Variants in MTA1 observed in about 807,000 individuals in gnomAD.
MTA1 encodes metastasis associated 1.
Under a neutral mutation model 97.0 loss-of-function variants are expected in MTA1, and 15 were observed. The observed-to-expected ratio is 0.15, with a 90% confidence interval of 0.10 to 0.24. The LOEUF is 0.24. Ranked by LOEUF, MTA1 falls within the 10% of genes least tolerant of loss-of-function variation. The pLI is 1.00. For missense variants in MTA1, 709 were observed against 1,015.1 expected (o/e 0.70, Z 4.10); for synonymous variants, 435 against 417.5 (o/e 1.04, Z -0.51).
Position 105,470,339 on chromosome 14 carries a change from C to T in MTA1, c.*124C>T, listed in dbSNP as rs1032243063. On this transcript the variant is annotated 3_prime_UTR_variant, in exon 21 of 21. Coordinates refer to ENST00000331320, the MANE Select transcript of MTA1 (RefSeq NM_004689.4). Reference sequence around the variant, plus strand: ...CCTCCCGCCCTCACCTGCAGAGAAACGCGCTCCTTGGCGGACACTGGGGGA... The same window carrying T: ...CCTCCCGCCCTCACCTGCAGAGAAATGCGCTCCTTGGCGGACACTGGGGGA... 2.4e-5 allele frequency: 19 copies of T among 800,302 alleles called. No homozygotes were observed. The African/African-American group carries it at 2.7e-4, about 12-fold the overall frequency. The allele number at this position is 800,302 out of a possible 1,614,324, so 49.6% of individuals were successfully genotyped here. A position where few individuals can be genotyped will look rare whatever the true frequency, so the allele number is the denominator to read the frequency against.
In MTA1 at chr14:105,454,237, C is replaced by T. The variant is rs782156814; in HGVS notation, c.477C>T (p.Thr159=). The T allele has an allele frequency of 7.4e-6, 12 of 1,613,674 alleles. No homozygotes were observed. The South Asian group carries it at 1.3e-4, about 18-fold the overall frequency. The change falls in exon 7 of 21, where the codon ACC becomes ACT. Residue 159 remains threonine, a synonymous_variant. Transcript: ENST00000331320. Reference sequence around the variant, plus strand: ...TAGTCTACGACCCACAGCAGAAGACCCTGCTGGCAGATAAAGGAGAGATTC... The same window carrying T: ...TAGTCTACGACCCACAGCAGAAGACTCTGCTGGCAGATAAAGGAGAGATTC... ...YSLVYDPQQK[T]LLADKGEIRV...
intron 4 of MTA1, 147 bp from the exon 5 acceptor site, chr14:105,449,911 C>T: frequency 8.5e-7 from 1 of 1,180,570 alleles, no homozygotes; most frequent in Non-Finnish European, 1.2e-6. Context: ...TAGGGTGGGG[C>T]AGTGGGACAG....
chr14:105,424,565 G>A lies in MTA1; in HGVS notation c.28+4502G>A, dbSNP rs587703747. On this transcript the variant is annotated intron_variant, in intron 1 of 20. Transcript: ENST00000331320. The surrounding 1 kb of genome is among the most constrained non-coding windows in gnomAD (Gnocchi z 4.0). ...GGCTGGAGTGCAGTGGCACAATCGC[G>A]GCTCACTGCAACCTCCGCCTCCTGG... Among the ~76,000 whole-genome samples the A allele has an allele frequency of 4.6e-4, 69 of 151,466 alleles. 1 individual carries two copies. Among genetic ancestry groups the A allele is most frequent in the Admixed American group, 3.5e-3 (53 of 15,224 alleles).
intron 1 of MTA1, among the ~76,000 whole-genome samples, chr14:105,430,369 G>A (rs1175858680): frequency 1.3e-5 from 2 of 152,096 alleles, no homozygotes; most frequent in Admixed American, 1.3e-4. Flanking sequence ...GGGGCAGTCG[G>A]AACACACACA....
intron 1 of MTA1, among the ~76,000 whole-genome samples, chr14:105,438,233 T>C (rs1421827584): frequency 2.0e-5 from 3 of 152,118 alleles, no homozygotes; most frequent in Admixed American, 6.5e-5. Context: ...CACGTGGCTC[T>C]GGGGGTGTAG....
rs587678972 is a variant in MTA1 at position 105,424,903 on chromosome 14, G to A, written c.28+4840G>A. 6.6e-5 allele frequency among the ~76,000 whole-genome samples: 10 copies of A among 152,340 alleles called. No individual in the cohort carries two copies. The highest frequency in any genetic ancestry group is 1.7e-4 in the African/African-American group (7 of 41,588). Reference sequence around the variant, plus strand: ...TATGGTCCAATGAAGCACATCCCTCGCGCCCGACCCGCCCTGGCAGTGCCG... The same window carrying A: ...TATGGTCCAATGAAGCACATCCCTCACGCCCGACCCGCCCTGGCAGTGCCG... On this transcript the variant is annotated intron_variant, in intron 1 of 20. Coordinates refer to ENST00000331320, the MANE Select transcript of MTA1 (RefSeq NM_004689.4). This position sits in a 1 kb window ranked among gnomAD's most constrained non-coding sequence, Gnocchi z 4.0.
chr14:105,469,551 G>A lies in MTA1; in HGVS notation c.1845+53G>A. The A allele has an allele frequency of 3.1e-6, 5 of 1,596,764 alleles. No homozygotes were observed. In the Admixed American group the frequency reaches 6.7e-5, roughly 21 times the overall value. ...CGGTGCGCTCACCCATGAGCTCTCT[G>A]GGGTGTTGGGAAGAGGCCTGGCCAG... On this transcript the variant is annotated intron_variant, in intron 19 of 20. Coordinates refer to ENST00000331320, the MANE Select transcript of MTA1 (RefSeq NM_004689.4).
chr14:105,451,753 C>T (rs2141589925), intron 6 of MTA1, among the ~76,000 whole-genome samples: 1 of 151,334 alleles, frequency 6.6e-6, no homozygotes, highest in East Asian at 2.0e-4. Flanking sequence ...CACGATGCAG[C>T]CCTTCCCCCC....
Position 105,466,503 on chromosome 14 carries a change from G to T in MTA1, c.1702G>T (p.Val568Leu). 6.3e-7 allele frequency: 1 copy of T among 1,594,850 alleles called. No individual in the cohort carries two copies. The highest frequency in any genetic ancestry group is 8.5e-7 in the Non-Finnish European group (1 of 1,171,822). The change falls in exon 17 of 21, where the codon GTG (valine) becomes TTG (leucine). Residue 568 changes from valine to leucine, a missense_variant. By Grantham distance (32) the Val-to-Leu change is conservative. Around this residue, in one of 2 missense-constraint regions of MTA1, gnomAD observed 388 missense variants for 421.6 expected, o/e 0.92. Coordinates refer to ENST00000331320, the MANE Select transcript of MTA1 (RefSeq NM_004689.4). ...GCTCAGCAGCCTGACGCCCGCCAAG[G>T]TGGCCCCCGTCATCAACAACGGCTC... is the stretch of plus-strand genomic sequence containing the variant. ...SVLSSLTPAK[V>L]APVINNGSPT...
chr14:105,464,955 G>GT, intron 15 of MTA1, 92 bp downstream of exon 15: 1 of 1,454,680 alleles, frequency 6.9e-7, no homozygotes, highest in Admixed American at 2.5e-5. Flanking sequence ...CCCACTGGGA[G>GT]TTCTGATCTC....
At chr14:105,440,114 G>A (rs181707658) in intron 2 of MTA1, among the ~76,000 whole-genome samples, 84 of 152,324 alleles carry the variant, frequency 5.5e-4, no homozygotes, top group Non-Finnish European at 8.4e-4. Context: ...GGAGGCACAG[G>A]CAATGACCTG....
At chr14:105,446,549 C>A (rs1420564434) in intron 3 of MTA1, among the ~76,000 whole-genome samples, 2 of 152,294 alleles carry the variant, frequency 1.3e-5, no homozygotes, top group East Asian at 3.9e-4. Context: ...GGCAGGAAGT[C>A]AGCCCAGGCA....
At chr14:105,447,468 C>T (rs939732999) in intron 3 of MTA1, among the ~76,000 whole-genome samples, 4 of 152,204 alleles carry the variant, frequency 2.6e-5, no homozygotes, top group Admixed American at 1.3e-4. Flanking sequence ...TCAGACGCCC[C>T]AGAGGATGGC....
At chr14:105,460,284 C>A in intron 8 of MTA1, 74 bp from the exon 9 acceptor site, 3 of 1,384,014 alleles carry the variant, frequency 2.2e-6, no homozygotes, top group Non-Finnish European at 2.9e-6. Flanking sequence ...TGGTCCCTGG[C>A]GCCTGGGGAG....
chr14:105,460,600 T>C lies in MTA1; in HGVS notation c.753+143T>C, dbSNP rs587593710. 5.2e-5 allele frequency: 63 copies of C among 1,200,134 alleles called. No individual in the cohort carries two copies. In the South Asian group the frequency reaches 7.2e-4, roughly 14 times the overall value. The allele number at this position is 1,200,134 out of a possible 1,614,324, so 74.3% of individuals were successfully genotyped here. On this transcript the variant is annotated intron_variant, in intron 9 of 20. Transcript: ENST00000331320. ...GGTGCTGTCCCACCTGGACTGGCCT[T>C]TCCTATCCACCCCAAACTCGGCCAG... is the stretch of plus-strand genomic sequence containing the variant.
At chr14:105,467,963 C>CT (rs1355091103) in intron 18 of MTA1, 13 of 286,498 alleles carry the variant, frequency 4.5e-5, no homozygotes, top group Non-Finnish European at 1.4e-5. Flanking sequence ...CCATGCAGTG[C>CT]TTGTGAGGGA....
chr14:105,464,294 C>G (rs965136597), intron 13 of MTA1, 122 bp from the exon 14 acceptor site: 41 of 1,424,810 alleles, frequency 2.9e-5, no homozygotes, highest in Non-Finnish European at 3.8e-5. Flanking sequence ...GTTGGGAGAG[C>G]CTCGGGGAAC....
chr14:105,430,505 G>T (rs587761626), intron 1 of MTA1, among the ~76,000 whole-genome samples: 8 of 152,252 alleles, frequency 5.3e-5, no homozygotes, highest in South Asian at 4.1e-4. Context: ...AGTTGGAAAT[G>T]TTGAGAGAAT....
intron 6 of MTA1, 52 bp downstream of exon 6, chr14:105,450,376 C>G: frequency 6.4e-7 from 1 of 1,567,564 alleles, no homozygotes; most frequent in South Asian, 1.2e-5. Flanking sequence ...GCCACTGTTT[C>G]CTCTACCTAT....
Sources: gnomAD v4.1 joint callset for allele counts (sites outside exome capture counted in the v4.1 genomes callset) on GRCh38, gnomAD v4.1.1 for gene constraint, gnomAD v4.1.1 regional missense constraint, Gnocchi (gnomAD v3.1) non-coding constraint, MANE v1.5 for transcripts, NCBI Gene and HGNC (gene_info 2026-07-23, HGNC 2026-07-21) for gene names.